Variants in DNAH5 observed in about 807,000 individuals in gnomAD.
DNAH5 encodes dynein axonemal heavy chain 5.
Under a neutral mutation model 518.2 loss-of-function variants are expected in DNAH5, and 372 were observed. That is an observed-to-expected ratio of 0.72 (90% CI 0.66 to 0.78). The LOEUF is 0.78. Ranked by LOEUF, DNAH5 falls within the 30% of genes least tolerant of loss-of-function variation. The pLI is 0.00. For synonymous variants in DNAH5, 2,039 were observed against 2,025.9 expected (o/e 1.01, Z -0.17); for missense variants, 5,523 against 5,687.0 (o/e 0.97, Z 0.93).
chr5:13,753,186 G>C (rs779533006), intron 63 of DNAH5, 47 bp downstream of exon 63: 4 of 1,419,420 alleles, frequency 2.8e-6, no homozygotes, highest in Non-Finnish European at 3.0e-6. Flanking sequence ...TTTATCTGAG[G>C]CAATAAAACT....
At chr5:13,791,901 T>G (rs1436971293) in intron 50 of DNAH5, 93 bp downstream of exon 50, 2 of 1,122,718 alleles carry the variant, frequency 1.8e-6, no homozygotes, top group Non-Finnish European at 2.6e-6. Flanking sequence ...CAAAATATGT[T>G]CACAGTTCAA....
intron 76 of DNAH5, among the ~76,000 whole-genome samples, chr5:13,702,152 T>C (rs1439768281): frequency 2.0e-5 from 3 of 151,780 alleles, no homozygotes; most frequent in African/African-American, 7.3e-5. Context: ...ATGTCATTAA[T>C]GTCATCAGCA....
At chr5:13,817,513 A>T (rs751348782) in intron 42 of DNAH5, 35 bp downstream of exon 42, 1 of 1,603,680 alleles carries the variant, frequency 6.2e-7, no homozygotes, top group Non-Finnish European at 8.5e-7. Flanking sequence ...ATCTAGAAGT[A>T]TAATCAAAAA....
chr5:13,904,801 C>T (rs1458622590), intron 12 of DNAH5, among the ~76,000 whole-genome samples: 1 of 152,052 alleles, frequency 6.6e-6, no homozygotes, highest in Non-Finnish European at 1.5e-5. Context: ...GTCTCAACTA[C>T]TCGGGAGGCT....
In DNAH5 at chr5:13,865,777, A is replaced by G. The variant is rs1261127875; in HGVS notation, c.4246T>C (p.Tyr1416His). The change falls in exon 27 of 79, where the codon TAT becomes CAT. Residue 1416 changes from tyrosine to histidine, a missense_variant. Tyr to His is a moderately conservative substitution (Grantham distance 83). Around this residue, in one of 3 missense-constraint regions of DNAH5, gnomAD observed 5,121 missense variants for 5,223.3 expected, o/e 0.98. Coordinates refer to ENST00000265104, the MANE Select transcript of DNAH5 (RefSeq NM_001369.3). ...TCTATGACACTGTTGTACAGAGTATATATTTTCTGTAGAAGATTTAGTTGC... is the reference window on the plus strand; with the variant it reads ...TCTATGACACTGTTGTACAGAGTATGTATTTTCTGTAGAAGATTTAGTTGC... ...KKQLNLLQKIYTLYNSVIETV... is the reference protein window; with the variant it reads ...KKQLNLLQKIHTLYNSVIETV... 3 of 1,611,626 alleles carry G rather than the reference A, an allele frequency of 1.9e-6. No individual in the cohort carries two copies. The highest frequency in any genetic ancestry group is 1.6e-4 in the Middle Eastern group (1 of 6,070).
Position 13,716,566 on chromosome 5 carries a change from A to G in DNAH5, c.12830T>C (p.Phe4277Ser). 6.2e-7 allele frequency: 1 copy of G among 1,613,986 alleles called. No individual in the cohort carries two copies. Among genetic ancestry groups the G allele is most frequent in the South Asian group, 1.1e-5 (1 of 91,078 alleles). ...TTGGTAAAAACTGAAATCTGGTCCA[A>G]ACATATTTTCACTGAACCAAACCTT... ...FAKVWFSENMFGPDFSFYQGY... is the reference protein window; with the variant it reads ...FAKVWFSENMSGPDFSFYQGY... The change falls in exon 74 of 79, where the codon TTT becomes TCT. Residue 4277 changes from phenylalanine to serine, a missense_variant. Transcript: ENST00000265104.
intron 1 of DNAH5, among the ~76,000 whole-genome samples, chr5:13,962,221 A>T (rs575055528): frequency 5.3e-5 from 8 of 152,292 alleles, no homozygotes; most frequent in Middle Eastern, 6.8e-3. Flanking sequence ...CCTGAACATG[A>T]TTGATAAGCA....
Position 13,944,498 on chromosome 5 carries a change from C to A in DNAH5, c.-60G>T. 1 of 1,442,678 alleles carries A rather than the reference C, an allele frequency of 6.9e-7. No individual in the cohort carries two copies. The highest frequency in any genetic ancestry group is 9.7e-7 in the Non-Finnish European group (1 of 1,031,100). 89.4% of individuals were successfully genotyped at this position (1,442,678 alleles called of 1,614,324 possible). ...TCCGGAATGGTCTTCTAACTCCTGG[C>A]AGACCTGCTCAACATCCAACAGGCT... On this transcript the variant is annotated 5_prime_UTR_variant, in exon 1 of 79. Transcript: ENST00000265104.
intron 1 of DNAH5, among the ~76,000 whole-genome samples, chr5:13,974,760 T>C (rs761409937): frequency 1.3e-5 from 2 of 152,168 alleles, no homozygotes; most frequent in Non-Finnish European, 2.9e-5. Context: ...AGCCACAGCT[T>C]CACAGGCCTC....
At chr5:13,788,214 G>C (rs1185558593) in intron 51 of DNAH5, among the ~76,000 whole-genome samples, 1 of 152,080 alleles carries the variant, frequency 6.6e-6, no homozygotes, top group Non-Finnish European at 1.5e-5. Flanking sequence ...AGGATGACCT[G>C]AATAATAATA....
intron 38 of DNAH5, among the ~76,000 whole-genome samples, chr5:13,824,869 G>C (rs1370873107): frequency 2.0e-5 from 3 of 152,162 alleles, no homozygotes; most frequent in Non-Finnish European, 2.9e-5. Context: ...CCCCAGCTTT[G>C]TCATTCCCTT....
At chr5:13,710,913 T>C (rs1384594388) in intron 75 of DNAH5, among the ~76,000 whole-genome samples, 1 of 152,124 alleles carries the variant, frequency 6.6e-6, no homozygotes, top group Non-Finnish European at 1.5e-5. Flanking sequence ...ACCAGAAGGA[T>C]TCACAGCAGA....
Position 13,851,603 on chromosome 5 carries a change from C to A in DNAH5, c.4951-788G>T, listed in dbSNP as rs1580583816. 2.0e-5 allele frequency among the ~76,000 whole-genome samples: 3 copies of A among 152,272 alleles called. No individual in the cohort carries two copies. In the Middle Eastern group the frequency reaches 0.01, roughly 518 times the overall value. ...GGGATTACAAGCATGAGCCACTGCA[C>A]CCGGCCCCAAATTTTCATTTTCTTC... On this transcript the variant is annotated intron_variant, in intron 30 of 78. Coordinates refer to ENST00000265104, the MANE Select transcript of DNAH5 (RefSeq NM_001369.3).
At position 13,868,733 on chromosome 5, in the gene DNAH5, T is replaced by A. The variant is rs571742738; in HGVS notation, c.3835-741A>T. Among the ~76,000 whole-genome samples the A allele has an allele frequency of 9.8e-5, 15 of 152,308 alleles. No homozygotes were observed. The South Asian group carries it at 2.9e-3, about 29-fold the overall frequency. ...CCCTCCCTCTCCGTGGAGGCATGCC[T>A]GTGGTCAGCACCTCAGTGCCATAAA... On this transcript the variant is annotated intron_variant, in intron 24 of 78. Transcript: ENST00000265104.
intron 35 of DNAH5, among the ~76,000 whole-genome samples, chr5:13,831,885 C>A (rs772922388): frequency 1.3e-5 from 2 of 152,184 alleles, no homozygotes; most frequent in Non-Finnish European, 2.9e-5. Flanking sequence ...AGCTACTGTT[C>A]CTTTCCCCCA....
In DNAH5 at chr5:13,735,191, G is replaced by A. The variant is rs1450152370; in HGVS notation, c.11701C>T (p.Leu3901=). ...HKFLFTLLLT[L]KIDIQRNRVK... ...CGGTTCCTCTGGATGTCAATCTTTA[G>A]GGTAAGCAACAAGGTGAACAGGAAT... Residue 3901 remains leucine, a synonymous_variant, in exon 68 of 79, where the codon CTA becomes TTA. Transcript: ENST00000265104. The A allele has an allele frequency of 1.1e-5, 17 of 1,613,956 alleles. No individual in the cohort carries two copies. Among genetic ancestry groups the A allele is most frequent in the Non-Finnish European group, 1.4e-5 (16 of 1,180,006 alleles).
In DNAH5 at chr5:13,776,707, C is replaced by T. The variant is rs757846582; in HGVS notation, c.9106-1G>A. 1 of 1,613,422 alleles carries T rather than the reference C, an allele frequency of 6.2e-7. No individual in the cohort carries two copies. The stretch of plus-strand genomic sequence containing the variant: ...CATCTCGAGCAAATAGGTTAGAGAC[C>T]TTAAAAAGAAGTACAGGCATGCAAA... On this transcript the variant is annotated splice_acceptor_variant, in intron 54 of 78. Coordinates refer to ENST00000265104, the MANE Select transcript of DNAH5 (RefSeq NM_001369.3). LOFTEE classifies it high-confidence loss of function.
intron 65 of DNAH5, among the ~76,000 whole-genome samples, chr5:13,747,157 C>T (rs577133195): frequency 1.3e-5 from 2 of 151,742 alleles, no homozygotes; most frequent in African/African-American, 2.4e-5. Flanking sequence ...TTTGTCCTTG[C>T]GATAGTTTGC....
At chr5:13,986,228 T>C (rs1783048745) in intron 1 of DNAH5, among the ~76,000 whole-genome samples, 1 of 152,182 alleles carries the variant, frequency 6.6e-6, no homozygotes, top group South Asian at 2.1e-4. Context: ...GGACTGTGTG[T>C]GTGCATTCTG....
Sources: gnomAD v4.1 joint callset for allele counts (sites outside exome capture counted in the v4.1 genomes callset) on GRCh38, gnomAD v4.1.1 for gene constraint, gnomAD v4.1.1 regional missense constraint, MANE v1.5 for transcripts, NCBI Gene and HGNC (gene_info 2026-07-23, HGNC 2026-07-21) for gene names.